Variants in PRIM2 observed in about 807,000 individuals in gnomAD.
The protein encoded by PRIM2 is DNA primase subunit 2, also known as DNA primase large subunit.
A neutral mutation model predicts 67.3 loss-of-function variants in PRIM2; 39 were observed. The ratio of observed to expected loss-of-function variants is 0.58; its 90% CI spans 0.45 to 0.76. The LOEUF (loss-of-function observed/expected upper bound fraction) is 0.76. Among genes scored for constraint, PRIM2 ranks in the 30% least tolerant of loss-of-function variants. The probability of loss-of-function intolerance (pLI) is 0.00; values close to 1 mark genes in which losing one functional copy is unlikely to be tolerated. For synonymous variants in PRIM2, 143 were observed against 198.7 expected (o/e 0.72, Z 2.36); for missense variants, 398 against 598.7 (o/e 0.66, Z 3.50).
At chr6:57,473,265 G>A (rs1274447911) in intron 7 of PRIM2, among the ~76,000 whole-genome samples, 1 of 152,118 alleles carries the variant, frequency 6.6e-6, no homozygotes, top group Non-Finnish European at 1.5e-5. Flanking sequence ...AGAGATTCTG[G>A]TCTTGTGATG....
At chr6:57,286,428 G>T in the PRIM2 span, among the ~76,000 whole-genome samples, 1 of 152,260 alleles carries the variant, frequency 6.6e-6, no homozygotes, top group African/African-American at 2.4e-5. Context: ...AAATGGAACA[G>T]AACAGAGGCC....
intron 8 of PRIM2, among the ~76,000 whole-genome samples, chr6:57,528,130 AT>A (rs1186258196): frequency 0.29 from 41,196 of 142,186 alleles, 6,129 homozygotes; most frequent in African/African-American, 0.4. Flanking sequence ...CACCCAGCTA[AT>A]TTTTTTTTTT....
At position 57,357,080 on chromosome 6, in the gene PRIM2, C is replaced by A. The variant is rs575002724; in HGVS notation, c.460-22821C>A. Among the ~76,000 whole-genome samples, 196 of 152,088 alleles carry A rather than the reference C, an allele frequency of 1.3e-3. 5 individuals carry two copies. In the East Asian group the frequency reaches 0.017, roughly 13 times the overall value. Reference sequence around the variant, plus strand: ...TCCCAAGTAGCTGGGACTACAGGCGCACACCACCATGCCCAGCTCATTTTT... The same window carrying A: ...TCCCAAGTAGCTGGGACTACAGGCGAACACCACCATGCCCAGCTCATTTTT... On this transcript the variant is annotated intron_variant, in intron 5 of 13. Coordinates refer to ENST00000615550, the MANE Select transcript of PRIM2 (RefSeq NM_000947.5).
intron 7 of PRIM2, among the ~76,000 whole-genome samples, chr6:57,446,418 C>CTTTTTTTTTT (rs397958660): frequency 0.048 from 4,043 of 83,478 alleles, 822 homozygotes; most frequent in African/African-American, 0.12. Flanking sequence ...CACGCCACTT[C>CTTTTTTTTTT]TTTTTTTTTT....
At chr6:57,309,272 CAA>C in the PRIM2 span, among the ~76,000 whole-genome samples, 2 of 145,048 alleles carry the variant, frequency 1.4e-5, no homozygotes, top group African/African-American at 5.1e-5. Context: ...GTATATCTCC[CAA>C]TGCTATCCCT....
intron 5 of PRIM2, among the ~76,000 whole-genome samples, chr6:57,368,406 A>G (rs73748694): frequency 6.6e-6 from 1 of 152,182 alleles, no homozygotes; most frequent in Non-Finnish European, 1.5e-5. Flanking sequence ...GGGTCTAAGA[A>G]AGCTCTGTAG....
intron 10 of PRIM2, among the ~76,000 whole-genome samples, chr6:57,589,786 A>G (rs1776255352): frequency 1.3e-5 from 2 of 152,276 alleles, no homozygotes; most frequent in South Asian, 4.1e-4. Context: ...GCGGCAAAGC[A>G]GGAGTTTGAT....
At chr6:57,612,696 T>C (rs1776688059) in intron 12 of PRIM2, among the ~76,000 whole-genome samples, 1 of 152,152 alleles carries the variant, frequency 6.6e-6, no homozygotes, top group Non-Finnish European at 1.5e-5. Context: ...TTAAAAACTT[T>C]TACTTTTTTA....
the PRIM2 span, among the ~76,000 whole-genome samples, chr6:57,307,294 C>T: frequency 2.6e-5 from 4 of 151,590 alleles, no homozygotes; most frequent in African/African-American, 9.7e-5. Context: ...TGCTCTGTTG[C>T]CCAGGCTGGA....
At chr6:57,422,249 G>A (rs1771491602) in intron 7 of PRIM2, among the ~76,000 whole-genome samples, 1 of 140,046 alleles carries the variant, frequency 7.1e-6, no homozygotes, top group African/African-American at 2.6e-5. Flanking sequence ...CTGCCTCCTG[G>A]ATCAAGTAAT....
At chr6:57,477,757 G>A (rs1773510136) in intron 7 of PRIM2, among the ~76,000 whole-genome samples, 2 of 152,182 alleles carry the variant, frequency 1.3e-5, no homozygotes, top group East Asian at 1.9e-4. Context: ...GGAGAGGCTG[G>A]TAAGGAAAGA....
At chr6:57,565,088 T>A (rs1775711636) in intron 10 of PRIM2, among the ~76,000 whole-genome samples, 1 of 152,220 alleles carries the variant, frequency 6.6e-6, no homozygotes. Context: ...TAAAACACAC[T>A]GATATGTGTT....
chr6:57,575,288 A>G (rs1170237537), intron 10 of PRIM2, among the ~76,000 whole-genome samples: 4 of 152,254 alleles, frequency 2.6e-5, no homozygotes, highest in African/African-American at 7.2e-5. Flanking sequence ...AGTAATTTCT[A>G]TCACACTAAA....
the PRIM2 span, among the ~76,000 whole-genome samples, chr6:57,238,554 A>T: frequency 1.3e-5 from 2 of 152,252 alleles, no homozygotes; most frequent in Non-Finnish European, 1.5e-5. Flanking sequence ...TCTGGGACAC[A>T]TTTAAAGCAG....
At chr6:57,532,276 G>A (rs1192903870) in intron 8 of PRIM2, 135 bp from the exon 9 acceptor site, 9 of 418,402 alleles carry the variant, frequency 2.2e-5, no homozygotes, top group African/African-American at 1.6e-4. Context: ...TAAAACACTT[G>A]GCTATGTTTC....
intron 7 of PRIM2, among the ~76,000 whole-genome samples, chr6:57,401,931 A>G (rs2397276): frequency 1.3e-5 from 2 of 152,194 alleles, no homozygotes; most frequent in African/African-American, 4.8e-5. Context: ...GAGGGTAGCA[A>G]GGGCAGTTCT....
rs1205946889 is a variant in PRIM2 at position 57,518,941 on chromosome 6, C to T, written c.761+11487C>T. On this transcript the variant is annotated intron_variant, in intron 8 of 13. Coordinates refer to ENST00000615550, the MANE Select transcript of PRIM2 (RefSeq NM_000947.5). ...TAGGTTCTTTTCTATTTTCCTTAAG[C>T]GTCAGCCAGCTTGAGAAATAAAGGG... Among the ~76,000 whole-genome samples, 6 of 152,054 alleles carry T rather than the reference C, an allele frequency of 3.9e-5. No homozygotes were observed. In the East Asian group the frequency reaches 5.8e-4, roughly 15 times the overall value.
At chr6:57,415,475 C>G (rs1771229664) in intron 7 of PRIM2, among the ~76,000 whole-genome samples, 1 of 152,074 alleles carries the variant, frequency 6.6e-6, no homozygotes, top group African/African-American at 2.4e-5. Flanking sequence ...TGCTTTATTG[C>G]TAAAAAATGC....
intron 7 of PRIM2, among the ~76,000 whole-genome samples, chr6:57,455,501 T>C (rs1286144404): frequency 4.6e-5 from 7 of 152,242 alleles, no homozygotes; most frequent in African/African-American, 7.2e-5. Flanking sequence ...TTAGGATAGT[T>C]AGCTCTTCTT....
Sources: allele counts gnomAD v4.1 joint callset (sites outside exome capture counted in the v4.1 genomes callset), GRCh38; gene constraint gnomAD v4.1.1; transcripts MANE v1.5; gene names NCBI Gene and HGNC (gene_info 2026-07-23, HGNC 2026-07-21).